Variants in ZNF577 observed in about 807,000 individuals in gnomAD.
ZNF577 encodes the protein zinc finger protein 577.
A neutral mutation model predicts 13.9 loss-of-function variants in ZNF577; 14 were observed. That is an observed-to-expected ratio of 1.00 (90% CI 0.66 to 1.57). The LOEUF (loss-of-function observed/expected upper bound fraction) is 1.57. Ranked by LOEUF, ZNF577 falls within the 40% of genes most tolerant of loss-of-function variation. ZNF577 has a pLI of 0.00. For missense variants in ZNF577, 555 were observed against 579.2 expected (o/e 0.96, Z 0.43); for synonymous variants, 203 against 202.9 (o/e 1.00, Z 0.00).
chr19:51,821,136 C>A (rs1337380690), intron 9 of ZNF577, among the ~76,000 whole-genome samples: 1 of 152,178 alleles, frequency 6.6e-6, no homozygotes, highest in Non-Finnish European at 1.5e-5. Context: ...TTTCCATGTC[C>A]AGTCTCACTT....
rs557890896 is a variant in ZNF577, at chr19:51,830,678, A to T, written c.*599+9215T>A. Among the ~76,000 whole-genome samples, 4 of 152,344 alleles carry T rather than the reference A, an allele frequency of 2.6e-5. No individual in the cohort carries two copies. The South Asian group carries it at 8.3e-4, about 32-fold the overall frequency. The stretch of plus-strand genomic sequence containing the variant: ...TTTAAAATATATAATTCTCTTGGTG[A>T]CATCACACTTGTTTGGTTTTCTTCC... On this transcript the variant is annotated intron_variant and NMD_transcript_variant, in intron 9 of 10. Coordinates refer to the ZNF577 transcript ENST00000638827.
chr19:51,829,641 C>T (rs1231847595), intron 9 of ZNF577, among the ~76,000 whole-genome samples: 1 of 152,200 alleles, frequency 6.6e-6, no homozygotes, highest in African/African-American at 2.4e-5. Flanking sequence ...GGATACCAGG[C>T]TCCTGGGTAG....
intron 9 of ZNF577, among the ~76,000 whole-genome samples, chr19:51,829,516 T>C (rs1374527123): frequency 6.6e-6 from 1 of 152,224 alleles, no homozygotes; most frequent in Admixed American, 6.5e-5. Context: ...CTTCTGAAGC[T>C]ATGCAAATCC....
At chr19:51,821,703 A>G (rs1471990286) in intron 9 of ZNF577, among the ~76,000 whole-genome samples, 1 of 152,116 alleles carries the variant, frequency 6.6e-6, no homozygotes, top group African/African-American at 2.4e-5. Context: ...TAGAGTTGCA[A>G]CGGTAGTGGC....
intron 5 of ZNF577, among the ~76,000 whole-genome samples, chr19:51,846,752 T>A (rs1032563636): frequency 6.6e-6 from 1 of 150,934 alleles, no homozygotes. Flanking sequence ...CCTACTGCCA[T>A]ATGAAAACAG....
chr19:51,838,311 G>A (rs1349261898), intron 9 of ZNF577, among the ~76,000 whole-genome samples: 1 of 151,866 alleles, frequency 6.6e-6, no homozygotes, highest in Non-Finnish European at 1.5e-5. Context: ...GTATTGGAAT[G>A]ATTAGGCAAA....
At chr19:51,855,484 T>G (rs1195258788) in intron 5 of ZNF577, among the ~76,000 whole-genome samples, 1 of 151,844 alleles carries the variant, frequency 6.6e-6, no homozygotes, top group East Asian at 1.9e-4. Context: ...CAAGATCAGC[T>G]AGAAGTGAAC....
chr19:51,837,869 C>T (rs2122533734), intron 9 of ZNF577, among the ~76,000 whole-genome samples: 1 of 152,064 alleles, frequency 6.6e-6, no homozygotes, highest in East Asian at 1.9e-4. Context: ...AAACCATATC[C>T]CAAAATATAT....
At chr19:51,866,526 C>T (rs1241235328), downstream of ZNF577, among the ~76,000 whole-genome samples, 1 of 152,208 alleles carries the variant, frequency 6.6e-6, no homozygotes, top group Non-Finnish European at 1.5e-5. Context: ...CACACCTTGA[C>T]TTCAGTCTTT....
chr19:51,865,097 A>C (rs1489509516), downstream of ZNF577, among the ~76,000 whole-genome samples: 1 of 151,996 alleles, frequency 6.6e-6, no homozygotes, highest in Non-Finnish European at 1.5e-5. Flanking sequence ...AACTTTCCCA[A>C]AGATTTTTTT....
chr19:51,845,282 G>T (rs1022536543), intron 5 of ZNF577, among the ~76,000 whole-genome samples: 10 of 152,026 alleles, frequency 6.6e-5, no homozygotes, highest in African/African-American at 2.4e-4. Flanking sequence ...ATCACCTGAG[G>T]TCGGAGTTTG....
intron 5 of ZNF577, among the ~76,000 whole-genome samples, chr19:51,854,997 G>A (rs2084403359): frequency 6.6e-6 from 1 of 152,046 alleles, no homozygotes; most frequent in Non-Finnish European, 1.5e-5. Context: ...TCAGTTCCTT[G>A]AACATAGTTA....
intron 5 of ZNF577, chr19:51,860,921 TCTTCTTAG>T: frequency 2.4e-6 from 1 of 415,370 alleles, no homozygotes; most frequent in South Asian, 1.8e-5. Context: ...GAGGTGTGAT[TCTTCTTAG>T]CTTTCCTGCA....
intron 9 of ZNF577, among the ~76,000 whole-genome samples, chr19:51,813,323 A>T (rs1219807548): frequency 6.6e-6 from 1 of 151,920 alleles, no homozygotes; most frequent in Non-Finnish European, 1.5e-5. Flanking sequence ...CTTATAAGGC[A>T]CTCATCCTAC....
intron 1 of ZNF577, chr19:51,886,289 A>G (rs1488550764): frequency 1.3e-5 from 2 of 152,186 alleles, no homozygotes; most frequent in Admixed American, 6.5e-5. Flanking sequence ...TTCAAGCAAA[A>G]GAACAGTATA....
chr19:51,879,394 C>A (rs1441551376), intron 3 of ZNF577, among the ~76,000 whole-genome samples: 1 of 151,922 alleles, frequency 6.6e-6, no homozygotes, highest in African/African-American at 2.4e-5. Flanking sequence ...ATGGTGAAAC[C>A]CCCATCTCTA....
downstream of ZNF577, among the ~76,000 whole-genome samples, chr19:51,865,513 A>C (rs956413146): frequency 6.6e-6 from 1 of 152,228 alleles, no homozygotes; most frequent in South Asian, 2.1e-4. Flanking sequence ...AGGAAATACA[A>C]AAATCAGGCC....
chr19:51,866,220 T>C (rs2084562095), downstream of ZNF577, among the ~76,000 whole-genome samples: 1 of 151,928 alleles, frequency 6.6e-6, no homozygotes, highest in Non-Finnish European at 1.5e-5. Context: ...GAGGTGTCTA[T>C]GAACAGCACA....
chr19:51,849,952 G>A (rs1046384639), intron 5 of ZNF577, among the ~76,000 whole-genome samples: 1 of 152,146 alleles, frequency 6.6e-6, no homozygotes, highest in African/African-American at 2.4e-5. Context: ...AGTGTAAAAA[G>A]GTAGACTCAA....
Sources: allele counts gnomAD v4.1 joint callset (sites outside exome capture counted in the v4.1 genomes callset), GRCh38; gene constraint gnomAD v4.1.1; transcripts MANE v1.5; gene names NCBI Gene and HGNC (gene_info 2026-07-23, HGNC 2026-07-21).